The following MINDY4 variants were observed in gnomAD, a reference collection of about 807,000 sequenced individuals.
The protein encoded by MINDY4 is probable ubiquitin carboxyl-terminal hydrolase MINDY-4.
A neutral mutation model predicts 87.0 loss-of-function variants in MINDY4; 68 were observed. That is an observed-to-expected ratio of 0.78 (90% CI 0.64 to 0.96). MINDY4 has a LOEUF of 0.96. Ranked by LOEUF, MINDY4 falls within the 40% of genes least tolerant of loss-of-function variation. The pLI is 0.00. For missense variants in MINDY4, 919 were observed against 928.2 expected (o/e 0.99, Z 0.13); for synonymous variants, 379 against 363.2 (o/e 1.04, Z -0.50).
chr7:30,860,398 G>A (rs1185708669), intron 13 of MINDY4, among the ~76,000 whole-genome samples: 2 of 152,142 alleles, frequency 1.3e-5, no homozygotes. Flanking sequence ...AGTACACAGC[G>A]CTTTCCAACT....
intron 1 of MINDY4, among the ~76,000 whole-genome samples, chr7:30,776,764 A>T (rs759870382): frequency 5.3e-5 from 8 of 152,184 alleles, no homozygotes; most frequent in African/African-American, 1.2e-4. Context: ...GCATATTAGC[A>T]GCTGCCACAC....
chr7:30,776,914 G>A (rs1472674153), intron 1 of MINDY4, among the ~76,000 whole-genome samples: 1 of 152,074 alleles, frequency 6.6e-6, no homozygotes, highest in East Asian at 1.9e-4. Flanking sequence ...GGGCTGGATG[G>A]GACTGAGGAC....
intron 5 of MINDY4, among the ~76,000 whole-genome samples, chr7:30,805,643 G>T (rs1424956592): frequency 6.6e-6 from 1 of 152,136 alleles, no homozygotes; most frequent in African/African-American, 2.4e-5. Flanking sequence ...AGGTCACTGG[G>T]CCTGGTGATG....
At chr7:30,772,339 A>ATTTT (rs1786669841) in intron 1 of MINDY4, among the ~76,000 whole-genome samples, 1 of 152,112 alleles carries the variant, frequency 6.6e-6, no homozygotes, top group African/African-American at 2.4e-5. Context: ...CATACACGTA[A>ATTTT]TTTTTTGAAT....
rs530827579 is a variant in MINDY4, at chr7:30,845,731, G to A, written c.1446-4723G>A. ...GCCCACCACATCTGGTGGGGAAATG[G>A]TTCTGTGAAAGCAGATGGAGGATGG... On this transcript the variant is annotated intron_variant, in intron 9 of 17. Coordinates refer to ENST00000265299, the MANE Select transcript of MINDY4 (RefSeq NM_032222.3). Among the ~76,000 whole-genome samples the A allele has an allele frequency of 1.8e-3, 267 of 152,262 alleles. 1 individual carries two copies. Among genetic ancestry groups the A allele is most frequent in the African/African-American group, 6.1e-3 (255 of 41,550 alleles).
chr7:30,789,254 G>A (rs1787246962), intron 4 of MINDY4, among the ~76,000 whole-genome samples: 2 of 152,194 alleles, frequency 1.3e-5, no homozygotes, highest in Non-Finnish European at 2.9e-5. Context: ...CTTTATACCT[G>A]TGGTGTGAGG....
At chr7:30,888,119 C>T (rs748368076) in intron 17 of MINDY4, among the ~76,000 whole-genome samples, 2 of 152,172 alleles carry the variant, frequency 1.3e-5, no homozygotes, top group African/African-American at 4.8e-5. Flanking sequence ...GGTCCATCAA[C>T]GTTGAAAAGC....
At chr7:30,883,071 G>C in intron 17 of MINDY4, 78 bp downstream of exon 17, 1 of 1,383,788 alleles carries the variant, frequency 7.2e-7, no homozygotes, top group Non-Finnish European at 1.0e-6. Context: ...GGTCAGGCCT[G>C]CAGGAAGGCA....
intron 17 of MINDY4, among the ~76,000 whole-genome samples, chr7:30,884,501 G>T (rs527286753): frequency 6.6e-6 from 1 of 152,334 alleles, no homozygotes; most frequent in Admixed American, 6.5e-5. Context: ...CTTGGCATCT[G>T]TACAGGACAG....
intron 5 of MINDY4, among the ~76,000 whole-genome samples, chr7:30,810,596 C>G (rs10242462): frequency 0.44 from 67,087 of 151,842 alleles, 15,660 homozygotes; most frequent in African/African-American, 0.6. Context: ...AAAACACGAC[C>G]GGTTTTTCTT....
intron 6 of MINDY4, 48 bp from the exon 7 acceptor site, chr7:30,836,610 C>A: frequency 1.4e-6 from 2 of 1,455,498 alleles, no homozygotes; most frequent in Non-Finnish European, 1.9e-6. Flanking sequence ...ATGTTCTGTT[C>A]TCCGTGAGTC....
intron 16 of MINDY4, among the ~76,000 whole-genome samples, 193 bp downstream of exon 16, chr7:30,882,554 T>G (rs939644466): frequency 3.3e-5 from 5 of 152,170 alleles, no homozygotes; most frequent in African/African-American, 1.2e-4. Flanking sequence ...AGCTGGGCCT[T>G]GAGCAGTGAG....
chr7:30,840,648 G>T (rs988159660), intron 8 of MINDY4, 112 bp from the exon 9 acceptor site: 4 of 801,016 alleles, frequency 5.0e-6, no homozygotes, highest in Non-Finnish European at 8.2e-6. Context: ...TTCTGTTGCA[G>T]AAGGCAGGGC....
At chr7:30,859,844 C>T (rs559941556) in intron 13 of MINDY4, among the ~76,000 whole-genome samples, 1 of 152,246 alleles carries the variant, frequency 6.6e-6, no homozygotes, top group African/African-American at 2.4e-5. Flanking sequence ...ATCTCCCCTG[C>T]CTGACCCCTT....
At position 30,852,384 on chromosome 7, in the gene MINDY4, G is replaced by A. The variant is rs1384972406; in HGVS notation, c.1611+105G>A. ...TCAGCTGGGGACAGGCTGGCCTTCC[G>A]CAGCCCAGGTCCCAGGAATCCTCAT... On this transcript the variant is annotated intron_variant, in intron 11 of 17. Coordinates refer to ENST00000265299, the MANE Select transcript of MINDY4 (RefSeq NM_032222.3). 6.4e-6 allele frequency: 10 copies of A among 1,566,242 alleles called. No individual in the cohort carries two copies. The South Asian group carries it at 9.7e-5, about 15-fold the overall frequency.
chr7:30,850,384 C>T, intron 9 of MINDY4, 70 bp from the exon 10 acceptor site: 1 of 1,426,612 alleles, frequency 7.0e-7, no homozygotes, highest in South Asian at 1.2e-5. Flanking sequence ...CCTGACCACA[C>T]TAAGTAGAGC....
intron 17 of MINDY4, among the ~76,000 whole-genome samples, chr7:30,884,026 C>A (rs1439144397): frequency 6.6e-6 from 1 of 152,148 alleles, no homozygotes; most frequent in Non-Finnish European, 1.5e-5. Flanking sequence ...TGACCTCAGC[C>A]ACTCCTGATT....
intron 6 of MINDY4, among the ~76,000 whole-genome samples, chr7:30,830,294 G>C (rs1788660152): frequency 6.6e-6 from 1 of 152,210 alleles, no homozygotes; most frequent in Non-Finnish European, 1.5e-5. Context: ...GACAAAGGAA[G>C]AGAGGTATCT....
intron 14 of MINDY4, among the ~76,000 whole-genome samples, chr7:30,874,226 G>T (rs1337039426): frequency 6.6e-6 from 1 of 152,240 alleles, no homozygotes; most frequent in Non-Finnish European, 1.5e-5. Flanking sequence ...TAGTGCTGGG[G>T]CTGGGCTCGC....
Sources: allele counts gnomAD v4.1 joint callset (sites outside exome capture counted in the v4.1 genomes callset), GRCh38; gene constraint gnomAD v4.1.1; transcripts MANE v1.5; gene names NCBI Gene and HGNC (gene_info 2026-07-23, HGNC 2026-07-21).